Variants in FOXP2 observed in about 807,000 individuals in gnomAD.
The protein encoded by FOXP2 is forkhead box P2, also known as forkhead box protein P2.
In FOXP2, 12 loss-of-function variants were observed where a neutral mutation model predicts 115.8. That is an observed-to-expected ratio of 0.10 (90% CI 0.07 to 0.17). The LOEUF (loss-of-function observed/expected upper bound fraction) is 0.17. Among genes scored for constraint, FOXP2 ranks in the 10% least tolerant of loss-of-function variants. FOXP2 has a pLI of 1.00. For synonymous variants in FOXP2, 328 were observed against 297.7 expected, an observed-to-expected ratio of 1.10 and a Z score of -1.05; for missense variants, 629 against 843.5, an observed-to-expected ratio of 0.75 and a Z score of 3.15.
chr7:114,344,757 G>A (rs921538935), intron 2 of FOXP2, among the ~76,000 whole-genome samples: 18 of 151,756 alleles, frequency 1.2e-4, no homozygotes, highest in African/African-American at 4.4e-4. Context: ...AATGCAAACT[G>A]TTTACATTAG....
intron 2 of FOXP2, among the ~76,000 whole-genome samples, chr7:114,509,305 A>G (rs1797964130): frequency 6.6e-6 from 1 of 150,754 alleles, no homozygotes; most frequent in Non-Finnish European, 1.5e-5. Context: ...GTTTTTTGAG[A>G]CAGTTTCGCT....
chr7:114,540,143 A>T (rs1024900759), intron 3 of FOXP2, among the ~76,000 whole-genome samples: 1 of 151,992 alleles, frequency 6.6e-6, no homozygotes, highest in Non-Finnish European at 1.5e-5. Flanking sequence ...ATTTGTTACT[A>T]TTACCAGCTA....
intron 2 of FOXP2, among the ~76,000 whole-genome samples, chr7:114,400,460 A>G (rs1792859467): frequency 6.6e-6 from 1 of 152,206 alleles, no homozygotes; most frequent in Non-Finnish European, 1.5e-5. Context: ...ACCTATCAGA[A>G]TAGATGTTAA....
intron 2 of FOXP2, among the ~76,000 whole-genome samples, chr7:114,430,453 A>G (rs1036506039): frequency 1.3e-5 from 2 of 151,788 alleles, no homozygotes; most frequent in African/African-American, 4.8e-5. Context: ...CACATAGGCA[A>G]GATTTTAGAC....
chr7:114,574,010 C>T (rs1801449706), intron 3 of FOXP2, among the ~76,000 whole-genome samples: 3 of 151,578 alleles, frequency 2.0e-5, no homozygotes, highest in African/African-American at 7.3e-5. Flanking sequence ...TTATTGATAA[C>T]CATCAAACAT....
chr7:114,167,044 A>G (rs1416909311), intron 1 of FOXP2, among the ~76,000 whole-genome samples: 17 of 152,220 alleles, frequency 1.1e-4, no homozygotes, highest in Admixed American at 1.1e-3. Context: ...TAGTCTTACT[A>G]TGTGATCCAG....
At chr7:114,681,746 T>A (rs1230614976) in intron 16 of FOXP2, among the ~76,000 whole-genome samples, 1 of 152,346 alleles carries the variant, frequency 6.6e-6, no homozygotes, top group East Asian at 1.9e-4. Flanking sequence ...TGTGTTGTTT[T>A]ATTTCCTTTT....
chr7:114,504,568 A>G (rs1797726410), intron 2 of FOXP2, among the ~76,000 whole-genome samples: 1 of 151,708 alleles, frequency 6.6e-6, no homozygotes, highest in Non-Finnish European at 1.5e-5. Flanking sequence ...TTTATAATAC[A>G]TTTCATCTTT....
At chr7:114,449,664 T>C (rs1314860246) in intron 2 of FOXP2, among the ~76,000 whole-genome samples, 1 of 152,136 alleles carries the variant, frequency 6.6e-6, no homozygotes, top group Non-Finnish European at 1.5e-5. Context: ...TGCATAGTTT[T>C]AGTCCCTACT....
intron 2 of FOXP2, among the ~76,000 whole-genome samples, chr7:114,327,507 T>C (rs921938923): frequency 4.8e-5 from 7 of 145,762 alleles, no homozygotes; most frequent in African/African-American, 1.8e-4. Context: ...TTGTGTTTTC[T>C]TTTTTTTTTT....
chr7:114,353,436 A>T (rs1403938340), intron 2 of FOXP2, among the ~76,000 whole-genome samples: 1 of 148,688 alleles, frequency 6.7e-6, no homozygotes, highest in African/African-American at 2.5e-5. Flanking sequence ...CGAATGAAGG[A>T]TAATATTCAT....
intron 1 of FOXP2, among the ~76,000 whole-genome samples, chr7:114,147,378 G>A (rs1300866161): frequency 5.9e-5 from 9 of 152,064 alleles, no homozygotes; most frequent in African/African-American, 1.4e-4. Flanking sequence ...ATATGGTTTC[G>A]TGCAGAGGGC....
chr7:114,391,309 G>A (rs908696190), intron 2 of FOXP2, among the ~76,000 whole-genome samples: 5 of 152,146 alleles, frequency 3.3e-5, no homozygotes, highest in Non-Finnish European at 1.5e-5. Flanking sequence ...TGTGTCACAT[G>A]TCCTACCTTG....
chr7:114,293,140 C>T (rs1222898637), intron 2 of FOXP2, among the ~76,000 whole-genome samples: 1 of 152,110 alleles, frequency 6.6e-6, no homozygotes, highest in African/African-American at 2.4e-5. Flanking sequence ...TTTTTTCCCC[C>T]ATATTTACCA....
At chr7:114,151,835 A>G (rs562941709) in intron 1 of FOXP2, among the ~76,000 whole-genome samples, 17 of 152,130 alleles carry the variant, frequency 1.1e-4, no homozygotes, top group Non-Finnish European at 2.1e-4. Context: ...TTCTGCAAAT[A>G]TAACACAAAA....
At chr7:114,294,020 G>A (rs2129177042) in intron 2 of FOXP2, among the ~76,000 whole-genome samples, 1 of 152,124 alleles carries the variant, frequency 6.6e-6, no homozygotes, top group East Asian at 1.9e-4. Context: ...TGACTTTGAG[G>A]GGAATATAAA....
chr7:114,463,498 T>C (rs1795670013), intron 2 of FOXP2, among the ~76,000 whole-genome samples: 1 of 152,328 alleles, frequency 6.6e-6, no homozygotes, highest in South Asian at 2.1e-4. Context: ...ATGTGGCTAA[T>C]GGCAAACATG....
At chr7:114,313,082 C>A (rs1333176829) in intron 2 of FOXP2, among the ~76,000 whole-genome samples, 1 of 152,174 alleles carries the variant, frequency 6.6e-6, no homozygotes, top group African/African-American at 2.4e-5. Context: ...CTTCATGGTG[C>A]AATCACATAG....
chr7:114,222,612 A>G (rs1054456948), intron 1 of FOXP2, among the ~76,000 whole-genome samples: 2 of 152,234 alleles, frequency 1.3e-5, no homozygotes, highest in African/African-American at 4.8e-5. Context: ...TGAAGTCGCT[A>G]CATTATAAGG....
Sources: gnomAD v4.1 joint callset for allele counts (sites outside exome capture counted in the v4.1 genomes callset) on GRCh38, gnomAD v4.1.1 for gene constraint, MANE v1.5 for transcripts, NCBI Gene and HGNC (gene_info 2026-07-23, HGNC 2026-07-21) for gene names.